PLCL1: variants seen among roughly 807,000 people sequenced by gnomAD.
The protein encoded by PLCL1 is inactive phospholipase C-like protein 1.
A neutral mutation model predicts 84.4 loss-of-function variants in PLCL1; 41 were observed. That is an observed-to-expected ratio of 0.49 (90% CI 0.38 to 0.63). The LOEUF (loss-of-function observed/expected upper bound fraction) is 0.63, where lower values mean the gene tolerates loss of function less well. PLCL1 is among the 30% of genes least tolerant of loss of function. PLCL1 has a pLI of 0.00. For missense variants in PLCL1, 1,206 were observed against 1,367.8 expected (o/e 0.88, Z 1.87); for synonymous variants, 490 against 488.3 (o/e 1.00, Z -0.05).
chr2:197,971,773 C>G (rs1689872832), intron 1 of PLCL1, among the ~76,000 whole-genome samples: 1 of 152,124 alleles, frequency 6.6e-6, no homozygotes, highest in African/African-American at 2.4e-5. Context: ...TTGAATTTTT[C>G]TCCAGATGAG....
rs1372931373 is a variant in PLCL1, at chr2:197,805,162, C to T, written c.63C>T (p.Asp21=). 1 of 1,301,740 alleles carries T rather than the reference C, an allele frequency of 7.7e-7. No individual in the cohort carries two copies. The highest frequency in any genetic ancestry group is 9.7e-7 in the Non-Finnish European group (1 of 1,029,770). 80.6% of individuals were successfully genotyped at this position (1,301,740 alleles called of 1,614,324 possible). ...PAPPDAAGGE[D]DPRVGPDAAG... is the part of the protein sequence containing the mutation. Reference sequence around the variant, plus strand: ...CGCCCGACGCGGCGGGGGGCGAAGACGACCCCCGAGTGGGCCCGGATGCCG... The same window carrying T: ...CGCCCGACGCGGCGGGGGGCGAAGATGACCCCCGAGTGGGCCCGGATGCCG... The change falls in exon 1 of 6, where the codon GAC becomes GAT. Residue 21 remains aspartate, a synonymous_variant. Coordinates refer to ENST00000428675, the MANE Select transcript of PLCL1 (RefSeq NM_006226.4). The surrounding 1 kb of genome is among the most constrained non-coding windows in gnomAD (Gnocchi z 4.0).
At chr2:197,814,520 G>T (rs1690650358) in intron 1 of PLCL1, among the ~76,000 whole-genome samples, 1 of 152,102 alleles carries the variant, frequency 6.6e-6, no homozygotes, top group Admixed American at 6.6e-5. Context: ...CAACAATATT[G>T]AAATTAGTTC....
chr2:197,948,700 G>T (rs1689329992), intron 1 of PLCL1, among the ~76,000 whole-genome samples: 2 of 152,262 alleles, frequency 1.3e-5, no homozygotes, highest in African/African-American at 4.8e-5. Context: ...ATCCCATTTA[G>T]CATTTTGATG....
intron 5 of PLCL1, among the ~76,000 whole-genome samples, chr2:198,138,814 C>G (rs1329767039): frequency 1.3e-5 from 2 of 152,138 alleles, no homozygotes; most frequent in East Asian, 3.8e-4. Context: ...AAAGTATCAG[C>G]TGGTATTATC....
intron 1 of PLCL1, among the ~76,000 whole-genome samples, chr2:197,924,646 T>G (rs1437900179): frequency 2.0e-5 from 3 of 151,486 alleles, no homozygotes; most frequent in African/African-American, 7.3e-5. Context: ...GCTCACAGGG[T>G]CGAGACCGGC....
chr2:198,069,080 C>T (rs11690149), intron 1 of PLCL1, among the ~76,000 whole-genome samples: 65,009 of 151,382 alleles, frequency 0.43, 15,017 homozygotes, highest in Middle Eastern at 0.64. Context: ...AAAAAATTGC[C>T]TAGATAAGCA....
intron 5 of PLCL1, among the ~76,000 whole-genome samples, chr2:198,129,926 AC>A (rs1481330098): frequency 2.0e-5 from 3 of 152,142 alleles, no homozygotes; most frequent in Non-Finnish European, 4.4e-5. Flanking sequence ...TCTCATGGAC[AC>A]TTTTCCAGTT....
At chr2:197,868,331 T>C (rs970738362) in intron 1 of PLCL1, among the ~76,000 whole-genome samples, 2 of 152,150 alleles carry the variant, frequency 1.3e-5, no homozygotes, top group African/African-American at 4.8e-5. Flanking sequence ...TATCTGACAA[T>C]CTCAACTAGG....
intron 1 of PLCL1, among the ~76,000 whole-genome samples, chr2:197,863,590 C>T (rs1687473042): frequency 6.6e-6 from 1 of 151,810 alleles, no homozygotes; most frequent in South Asian, 2.1e-4. Context: ...GCCAACTTGG[C>T]CTATTTAAAT....
chr2:198,109,318 C>T (rs1294650802), intron 5 of PLCL1, among the ~76,000 whole-genome samples: 1 of 151,766 alleles, frequency 6.6e-6, no homozygotes, highest in African/African-American at 2.4e-5. Context: ...TAGCTAGTTC[C>T]CTCCAGCCCT....
intron 1 of PLCL1, among the ~76,000 whole-genome samples, chr2:197,951,235 A>G (rs939538025): frequency 2.6e-5 from 4 of 152,164 alleles, no homozygotes; most frequent in Non-Finnish European, 5.9e-5. Flanking sequence ...AGTACCTATA[A>G]TGGTCTGCTA....
intron 1 of PLCL1, among the ~76,000 whole-genome samples, chr2:197,976,125 A>C (rs1456294306): frequency 6.6e-6 from 1 of 152,038 alleles, no homozygotes; most frequent in Non-Finnish European, 1.5e-5. Context: ...CATTTCTTTC[A>C]ATTTTCTGGC....
intron 3 of PLCL1, among the ~76,000 whole-genome samples, chr2:198,097,113 T>C (rs762003057): frequency 7.4e-4 from 113 of 152,190 alleles, no homozygotes; most frequent in Non-Finnish European, 1.4e-3. Context: ...GTATCTTTGC[T>C]TGTATAGTAA....
At chr2:197,996,327 G>A (rs375921365) in intron 1 of PLCL1, among the ~76,000 whole-genome samples, 4 of 152,082 alleles carry the variant, frequency 2.6e-5, no homozygotes, top group African/African-American at 7.2e-5. Flanking sequence ...GCATTTTTAG[G>A]GTAGTGAAAC....
chr2:197,899,890 C>T (rs1420789068), intron 1 of PLCL1, among the ~76,000 whole-genome samples: 1 of 152,116 alleles, frequency 6.6e-6, no homozygotes, highest in Non-Finnish European at 1.5e-5. Flanking sequence ...CCGCCTCGGC[C>T]TCCCAAAGTG....
intron 1 of PLCL1, among the ~76,000 whole-genome samples, chr2:198,025,761 G>A (rs1691248754): frequency 6.6e-6 from 1 of 152,112 alleles, no homozygotes; most frequent in Non-Finnish European, 1.5e-5. Context: ...GGACAGCCTG[G>A]GAAAACTCCT....
At chr2:198,105,773 T>A (rs1040891406) in intron 5 of PLCL1, among the ~76,000 whole-genome samples, 1 of 151,830 alleles carries the variant, frequency 6.6e-6, no homozygotes, top group African/African-American at 2.4e-5. Flanking sequence ...TCTAGGGCCA[T>A]TGAGGATTTT....
rs1225065008 is a variant in PLCL1 at position 198,084,613 on chromosome 2, G to A, written c.1096G>A (p.Gly366Arg). The part of the protein sequence containing the change: ...IIRRYELSEE[G>R]RQKGFLAIDG... ...AAGGAGATACGAACTTTCTGAAGAG[G>A]GACGTCAAAAAGGGTTTCTTGCAAT... Residue 366 changes from glycine to arginine, a missense_variant, in exon 2 of 6, where the codon GGA (glycine) becomes AGA (arginine). Gly to Arg is a moderately radical substitution (Grantham distance 125, BLOSUM62 -2). Transcript: ENST00000428675. The A allele has an allele frequency of 6.2e-7, 1 of 1,613,888 alleles. No homozygotes were observed. Among genetic ancestry groups the A allele is most frequent in the Non-Finnish European group, 8.5e-7 (1 of 1,179,858 alleles).
Position 198,084,439 on chromosome 2 carries a change from TG to T in PLCL1, c.923del (p.Cys308LeufsTer32). The T allele has an allele frequency of 6.2e-7, 1 of 1,614,142 alleles. No homozygotes were observed. The highest frequency in any genetic ancestry group is 8.5e-7 in the Non-Finnish European group (1 of 1,179,984). On this transcript the variant is annotated frameshift_variant, in exon 2 of 6. Transcript: ENST00000428675. LOFTEE classifies it high-confidence loss of function. ...CGAAGAGGAATTTTGTGAAGCTTTT[TG>T]TGAACTTTGCACCAGGCCAGAAGTG... is the stretch of plus-strand genomic sequence containing the variant. ...VTEEEFCEAF[C>X]ELCTRPEVYF...
Sources: allele counts gnomAD v4.1 joint callset (sites outside exome capture counted in the v4.1 genomes callset), GRCh38; gene constraint gnomAD v4.1.1; non-coding constraint Gnocchi (gnomAD v3.1); transcripts MANE v1.5; gene names NCBI Gene and HGNC (gene_info 2026-07-23, HGNC 2026-07-21).